PDE4D: variants seen among roughly 807,000 people sequenced by gnomAD.
PDE4D encodes the protein 3',5'-cyclic-AMP phosphodiesterase 4D.
PDE4D carries 24 observed loss-of-function variants against 87.4 expected under a neutral mutation model. That is an observed-to-expected ratio of 0.27 (90% CI 0.20 to 0.39). The LOEUF (loss-of-function observed/expected upper bound fraction) is 0.39, where lower values mean the gene tolerates loss of function less well. Among genes scored for constraint, PDE4D ranks in the 10% least tolerant of loss-of-function variants. The pLI, the probability that PDE4D is intolerant of heterozygous loss-of-function variation, is 1.00. For missense variants in PDE4D, 714 were observed against 1,041.0 expected (o/e 0.69, Z 4.32); for synonymous variants, 384 against 383.2 (o/e 1.00, Z -0.02).
chr5:60,233,654 T>C (rs1746079545), intron 1 of PDE4D, among the ~76,000 whole-genome samples: 1 of 151,812 alleles, frequency 6.6e-6, no homozygotes, highest in African/African-American at 2.4e-5. Context: ...ACAAATATTG[T>C]AGTCTTCCTA....
At chr5:60,062,256 G>C (rs1178486575) in intron 2 of PDE4D, among the ~76,000 whole-genome samples, 2 of 151,954 alleles carry the variant, frequency 1.3e-5, no homozygotes, top group East Asian at 3.9e-4. Flanking sequence ...GCAAAAACAT[G>C]AACAGACACT....
At chr5:59,320,857 C>T (rs1774592585) in intron 1 of PDE4D, among the ~76,000 whole-genome samples, 1 of 152,052 alleles carries the variant, frequency 6.6e-6, no homozygotes, top group Non-Finnish European at 1.5e-5. Flanking sequence ...ACCAACGAAC[C>T]CACCAACCAA....
intron 1 of PDE4D, among the ~76,000 whole-genome samples, chr5:59,889,228 T>TAAAAA (rs58549979): frequency 1.4e-5 from 1 of 71,096 alleles, no homozygotes; most frequent in African/African-American, 5.5e-5. Context: ...AGACTCTGTC[T>TAAAAA]AAAAAAAAAA....
intron 1 of PDE4D, among the ~76,000 whole-genome samples, chr5:59,536,244 G>A (rs1381034007): frequency 2.0e-5 from 3 of 151,900 alleles, no homozygotes; most frequent in South Asian, 2.1e-4. Flanking sequence ...GGTGGCTCAC[G>A]CCTGTAATCC....
chr5:59,515,371 A>AGT (rs1810974940), intron 1 of PDE4D, among the ~76,000 whole-genome samples: 1 of 152,262 alleles, frequency 6.6e-6, no homozygotes. Context: ...CACTGAACCA[A>AGT]GATCTTCCTT....
chr5:59,230,997 G>C lies in PDE4D; in HGVS notation c.456-15029C>G, dbSNP rs191188779. 2.0e-5 allele frequency among the ~76,000 whole-genome samples: 3 copies of C among 152,262 alleles called. No homozygotes were observed. In the East Asian group the frequency reaches 5.8e-4, roughly 29 times the overall value. ...AAATATATAGTGGAGAATAAAAAAA[G>C]ATATGTCTCATTATGTGTCTCATTG... On this transcript the variant is annotated intron_variant, in intron 1 of 14. Coordinates refer to ENST00000340635, the MANE Select transcript of PDE4D (RefSeq NM_001104631.2).
At chr5:60,142,970 T>C (rs973447754) in intron 2 of PDE4D, among the ~76,000 whole-genome samples, 5 of 152,234 alleles carry the variant, frequency 3.3e-5, no homozygotes, top group African/African-American at 1.2e-4. Context: ...TTTAAATATA[T>C]TTTTAAATTT....
intron 2 of PDE4D, among the ~76,000 whole-genome samples, chr5:60,105,811 C>T (rs1043833865): frequency 6.6e-6 from 1 of 152,090 alleles, no homozygotes; most frequent in African/African-American, 2.4e-5. Flanking sequence ...CAAGCAAATG[C>T]TGAGAGATTT....
At chr5:59,937,843 T>C (rs1561884419) in intron 3 of PDE4D, among the ~76,000 whole-genome samples, 1 of 152,206 alleles carries the variant, frequency 6.6e-6, no homozygotes, top group Non-Finnish European at 1.5e-5. Flanking sequence ...ATTTGAATCA[T>C]GGCAGGCTGG....
At chr5:59,224,049 G>A (rs1405725380) in intron 1 of PDE4D, among the ~76,000 whole-genome samples, 1 of 148,888 alleles carries the variant, frequency 6.7e-6, no homozygotes, top group Non-Finnish European at 1.5e-5. Context: ...ACTTTGGGAG[G>A]CTAAGGGGAG....
At chr5:59,206,121 A>G (rs1024278022) in intron 2 of PDE4D, among the ~76,000 whole-genome samples, 3 of 152,174 alleles carry the variant, frequency 2.0e-5, no homozygotes, top group African/African-American at 7.2e-5. Context: ...GTCTCAAGGC[A>G]ATTAACCGTA....
chr5:59,762,009 T>C (rs946310943), intron 1 of PDE4D, among the ~76,000 whole-genome samples: 3 of 152,088 alleles, frequency 2.0e-5, no homozygotes, highest in Non-Finnish European at 4.4e-5. Context: ...TCCGTTATAA[T>C]ATTATGGGAC....
At chr5:59,133,620 G>T (rs962302595) in intron 5 of PDE4D, among the ~76,000 whole-genome samples, 1 of 152,176 alleles carries the variant, frequency 6.6e-6, no homozygotes, top group African/African-American at 2.4e-5. Context: ...CCCCAGGTCA[G>T]CTCTGCCCAC....
At chr5:59,757,668 A>G (rs909741507) in intron 1 of PDE4D, among the ~76,000 whole-genome samples, 1 of 152,144 alleles carries the variant, frequency 6.6e-6, no homozygotes, top group Admixed American at 6.5e-5. Context: ...CTAGCCGGCC[A>G]TCATTCCCAG....
chr5:59,514,738 T>A (rs1317138762), intron 1 of PDE4D, among the ~76,000 whole-genome samples: 1 of 152,168 alleles, frequency 6.6e-6, no homozygotes, highest in Non-Finnish European at 1.5e-5. Flanking sequence ...TTATTTAACC[T>A]CCATGTACCT....
At position 59,939,520 on chromosome 5, in the gene PDE4D, C is replaced by T. The variant is rs1414694232; in HGVS notation, c.272+48968G>A. On this transcript the variant is annotated intron_variant, in intron 3 of 16. Coordinates refer to the PDE4D transcript ENST00000502484. The stretch of plus-strand genomic sequence containing the variant: ...TACAAATTTTAAACCAAAGTCAGTG[C>T]CTTGAAGAAAAAATACATCTGACCT... Among the ~76,000 whole-genome samples the T allele has an allele frequency of 1.2e-4, 18 of 152,018 alleles. 1 individual carries two copies. The highest frequency in any genetic ancestry group is 2.9e-5 in the Non-Finnish European group (2 of 68,000).
At position 59,483,012 on chromosome 5, in the gene PDE4D, A is replaced by G. The variant is rs186586232; in HGVS notation, c.456-267044T>C. Among the ~76,000 whole-genome samples the G allele has an allele frequency of 3.0e-3, 450 of 152,258 alleles. 1 individual carries two copies. Among genetic ancestry groups the G allele is most frequent in the Non-Finnish European group, 4.9e-3 (332 of 68,012 alleles). On this transcript the variant is annotated intron_variant, in intron 1 of 14. Transcript: ENST00000340635. ...CCTACATTTGGATGGCCCTCATCCA[A>G]TCAGCTGAAGGCCTGCATAGAACAT... is the stretch of plus-strand genomic sequence containing the variant.
chr5:59,664,291 G>A (rs1745709619), intron 1 of PDE4D, among the ~76,000 whole-genome samples: 1 of 152,058 alleles, frequency 6.6e-6, no homozygotes, highest in Non-Finnish European at 1.5e-5. Flanking sequence ...TAATCAAGTT[G>A]TCATGTTGGT....
intron 1 of PDE4D, among the ~76,000 whole-genome samples, chr5:60,321,919 G>T (rs1260809702): frequency 1.3e-5 from 2 of 151,606 alleles, no homozygotes; most frequent in African/African-American, 2.4e-5. Flanking sequence ...TGCTGGCAAG[G>T]TTGCAGATAA....
Sources: allele counts gnomAD v4.1 joint callset (sites outside exome capture counted in the v4.1 genomes callset), GRCh38; gene constraint gnomAD v4.1.1; transcripts MANE v1.5; gene names NCBI Gene and HGNC (gene_info 2026-07-23, HGNC 2026-07-21).